Variants in EHBP1 observed in about 807,000 individuals in gnomAD.
EHBP1 encodes EH domain-binding protein 1.
In EHBP1, 55 loss-of-function variants were observed where a neutral mutation model predicts 144.0. The ratio of observed to expected loss-of-function variants is 0.38; its 90% confidence interval spans 0.31 to 0.48. The LOEUF (loss-of-function observed/expected upper bound fraction) is 0.48. EHBP1 is among the 20% of genes least tolerant of loss of function. The probability of loss-of-function intolerance (pLI) is 0.98; values close to 1 mark genes in which losing one functional copy is unlikely to be tolerated. For synonymous variants in EHBP1, 469 were observed against 472.7 expected (o/e 0.99, Z 0.10); for missense variants, 1,200 against 1,364.2 (o/e 0.88, Z 1.90).
At chr2:63,005,590 T>G (rs1162294685) in intron 19 of EHBP1, among the ~76,000 whole-genome samples, 1 of 152,084 alleles carries the variant, frequency 6.6e-6, no homozygotes, top group African/African-American at 2.4e-5. Context: ...TCACTCATAA[T>G]TATCCATAAT....
In EHBP1 at chr2:62,979,354, T is replaced by A. The variant is rs775791004; in HGVS notation, c.2608+19T>A. On this transcript the variant is annotated intron_variant, in intron 15 of 22. Transcript: ENST00000431489. ...TCTGGAGGTGAGTTAAAGAATCTTC[T>A]ATCATTCTACAGACAACCCAGAAAT... 6.2e-7 allele frequency: 1 copy of A among 1,611,910 alleles called. No individual in the cohort carries two copies. The highest frequency in any genetic ancestry group is 1.1e-5 in the South Asian group (1 of 90,794).
At chr2:62,946,117 C>A (rs1276779646) in intron 12 of EHBP1, among the ~76,000 whole-genome samples, 2 of 152,026 alleles carry the variant, frequency 1.3e-5, no homozygotes, top group Admixed American at 1.3e-4. Flanking sequence ...TAAAATAAAC[C>A]ATTTTTTAAA....
chr2:62,707,375 A>T (rs1460429057), intron 2 of EHBP1, 80 bp downstream of exon 2: 1 of 1,041,394 alleles, frequency 9.6e-7, no homozygotes, highest in East Asian at 2.4e-5. Flanking sequence ...TTCTGATAGT[A>T]TATTTACCTT....
intron 7 of EHBP1, among the ~76,000 whole-genome samples, chr2:62,838,230 T>C (rs369227639): frequency 2.0e-5 from 3 of 152,226 alleles, no homozygotes; most frequent in East Asian, 1.9e-4. Flanking sequence ...CAACCTGCTC[T>C]TGAATGACTA....
rs112826649 is a variant in EHBP1, at chr2:62,692,863, A to C, written c.-295-14034A>C. Among the ~76,000 whole-genome samples, 766 of 152,270 alleles carry C rather than the reference A, an allele frequency of 5.0e-3. 6 individuals are homozygous for C. Among genetic ancestry groups the C allele is most frequent in the Middle Eastern group, 0.014 (4 of 294 alleles). ...TACAAGCATTTATCCTTTGTGTCAC[A>C]AACAATACAATTATATTCTTTTAGC... On this transcript the variant is annotated intron_variant, in intron 1 of 22. Transcript: ENST00000405015.
chr2:62,953,508 C>A (rs1283832155), intron 13 of EHBP1, among the ~76,000 whole-genome samples: 1 of 151,452 alleles, frequency 6.6e-6, no homozygotes, highest in African/African-American at 2.4e-5. Context: ...GTGATCATGC[C>A]ATTGGACTCC....
chr2:63,038,542 A>C (rs1293302925), intron 20 of EHBP1, among the ~76,000 whole-genome samples: 2 of 152,180 alleles, frequency 1.3e-5, no homozygotes, highest in Non-Finnish European at 2.9e-5. Context: ...TGTAACATTC[A>C]GAATTGAAGG....
At chr2:62,817,371 G>C (rs557358885) in intron 5 of EHBP1, among the ~76,000 whole-genome samples, 1 of 152,248 alleles carries the variant, frequency 6.6e-6, no homozygotes, top group Admixed American at 6.5e-5. Flanking sequence ...AACATTCCTA[G>C]TAATGGAAAT....
At chr2:62,719,261 G>A (rs998145961) in intron 2 of EHBP1, among the ~76,000 whole-genome samples, 4 of 152,130 alleles carry the variant, frequency 2.6e-5, no homozygotes, top group South Asian at 2.1e-4. Context: ...CCACTGTGCC[G>A]ACCAGAATAA....
intron 8 of EHBP1, among the ~76,000 whole-genome samples, chr2:62,860,180 ATATTTT>A (rs2049390366): frequency 6.6e-6 from 1 of 152,164 alleles, no homozygotes; most frequent in African/African-American, 2.4e-5. Flanking sequence ...TATTATGAAC[ATATTTT>A]AAATCTTAAA....
chr2:62,686,920 C>T (rs996296036), intron 1 of EHBP1, among the ~76,000 whole-genome samples: 4 of 152,150 alleles, frequency 2.6e-5, no homozygotes, highest in African/African-American at 9.7e-5. Flanking sequence ...AGGTACTTTA[C>T]ATAAGTTACA....
intron 1 of EHBP1, among the ~76,000 whole-genome samples, chr2:62,679,848 G>A (rs1332663724): frequency 6.6e-6 from 1 of 152,126 alleles, no homozygotes; most frequent in African/African-American, 2.4e-5. Flanking sequence ...GTGTTTAGAG[G>A]CCTGGAGGAA....
chr2:62,742,996 A>G (rs2038856816), intron 2 of EHBP1, among the ~76,000 whole-genome samples: 1 of 152,128 alleles, frequency 6.6e-6, no homozygotes, highest in African/African-American at 2.4e-5. Context: ...TTCATGGTAG[A>G]AAATACAGAA....
chr2:62,964,361 C>A (rs1472713746), intron 14 of EHBP1, among the ~76,000 whole-genome samples: 1 of 152,188 alleles, frequency 6.6e-6, no homozygotes, highest in East Asian at 1.9e-4. Context: ...TATGGCTGTT[C>A]AGTGCCGTGT....
At chr2:63,010,084 A>G (rs1038052935) in intron 19 of EHBP1, among the ~76,000 whole-genome samples, 13 of 151,524 alleles carry the variant, frequency 8.6e-5, no homozygotes, top group Non-Finnish European at 1.5e-4. Context: ...CACTTGGAGC[A>G]AGGAAGGCTA....
chr2:62,754,535 T>G (rs1407837407), intron 3 of EHBP1, among the ~76,000 whole-genome samples: 3 of 152,224 alleles, frequency 2.0e-5, no homozygotes, highest in Admixed American at 2.0e-4. Context: ...ACAGGGACAT[T>G]TAAGTCTGCA....
chr2:62,916,301 A>G (rs567464211), intron 10 of EHBP1, among the ~76,000 whole-genome samples: 102 of 152,282 alleles, frequency 6.7e-4, no homozygotes, highest in African/African-American at 2.2e-3. Flanking sequence ...CTCTATAAAA[A>G]TTAAAATGGG....
At chr2:63,026,866 C>G (rs922337130) in intron 19 of EHBP1, among the ~76,000 whole-genome samples, 1 of 152,326 alleles carries the variant, frequency 6.6e-6, no homozygotes, top group Non-Finnish European at 1.5e-5. Flanking sequence ...CAATGGCATA[C>G]ACATGGGAAG....
chr2:62,916,391 A>G (rs987569212), intron 10 of EHBP1, among the ~76,000 whole-genome samples: 1 of 151,950 alleles, frequency 6.6e-6, no homozygotes, highest in Non-Finnish European at 1.5e-5. Context: ...CAGGAGTTCA[A>G]GACCAGCCTG....
Sources: allele counts gnomAD v4.1 joint callset (sites outside exome capture counted in the v4.1 genomes callset), GRCh38; gene constraint gnomAD v4.1.1; transcripts MANE v1.5; gene names NCBI Gene and HGNC (gene_info 2026-07-23, HGNC 2026-07-21).